ATRNL1: variants seen among roughly 807,000 people sequenced by gnomAD.
ATRNL1 encodes the protein attractin-like protein 1.
ATRNL1 carries 95 observed loss-of-function variants against 182.7 expected under a neutral mutation model. That is an observed-to-expected ratio of 0.52 (90% confidence interval 0.44 to 0.62). The LOEUF (loss-of-function observed/expected upper bound fraction) is 0.62, where lower values mean the gene tolerates loss of function less well. Among genes scored for constraint, ATRNL1 ranks in the 20% least tolerant of loss-of-function variants. ATRNL1 has a pLI of 0.00. For synonymous variants in ATRNL1, 576 were observed against 568.3 expected (o/e 1.01, Z -0.19); for missense variants, 1,471 against 1,679.5 (o/e 0.88, Z 2.17).
At chr10:115,452,668 C>A in intron 21 of ATRNL1, among the ~76,000 whole-genome samples, 1 of 152,066 alleles carries the variant, frequency 6.6e-6, no homozygotes, top group East Asian at 1.9e-4. Context: ...CCATCCAACA[C>A]CTTAAGTTAT....
intron 19 of ATRNL1, among the ~76,000 whole-genome samples, chr10:115,373,822 T>C (rs1245260721): frequency 6.6e-6 from 1 of 151,928 alleles, no homozygotes; most frequent in African/African-American, 2.4e-5. Flanking sequence ...TATTGACTGG[T>C]AATTTCTTTT....
intron 19 of ATRNL1, among the ~76,000 whole-genome samples, chr10:115,374,532 TTCTTTC>T (rs1554949022): frequency 1.3e-5 from 2 of 150,608 alleles, no homozygotes; most frequent in African/African-American, 4.9e-5. Context: ...CTTTTTTTCT[TTCTTTC>T]TCTTTCTTCT....
Position 115,472,583 on chromosome 10 carries a change from G to A in ATRNL1, c.3654+3254G>A, listed in dbSNP as rs561160764. ...TTTCCTTGGTTAAACTTATTCTTAA[G>A]TATTTTATTCTTTTTGATGCTCCAG... On this transcript the variant is annotated intron_variant, in intron 24 of 28. Transcript: ENST00000355044. Among the ~76,000 whole-genome samples, 106 of 150,950 alleles carry A rather than the reference G, an allele frequency of 7.0e-4. 1 individual carries two copies. Among genetic ancestry groups the A allele is most frequent in the African/African-American group, 2.4e-3 (101 of 41,380 alleles).
intron 20 of ATRNL1, among the ~76,000 whole-genome samples, chr10:115,422,927 A>G (rs529117442): frequency 6.6e-6 from 1 of 152,336 alleles, no homozygotes; most frequent in South Asian, 2.1e-4. Flanking sequence ...TATTATGCTT[A>G]TTACCTGGGT....
chr10:115,517,276 T>A (rs1850687351), intron 24 of ATRNL1, among the ~76,000 whole-genome samples: 1 of 151,946 alleles, frequency 6.6e-6, no homozygotes, highest in South Asian at 2.1e-4. Flanking sequence ...GTTTTCTTTG[T>A]CTCAGTGTTT....
intron 15 of ATRNL1, among the ~76,000 whole-genome samples, chr10:115,289,395 C>A (rs1554920150): frequency 6.6e-6 from 1 of 152,026 alleles, no homozygotes; most frequent in Non-Finnish European, 1.5e-5. Flanking sequence ...TATTTAATAC[C>A]ATTTGTTTAT....
intron 24 of ATRNL1, among the ~76,000 whole-genome samples, chr10:115,505,975 A>C (rs1850092402): frequency 1.3e-5 from 2 of 152,016 alleles, no homozygotes; most frequent in African/African-American, 2.4e-5. Context: ...AAAAGAAGGC[A>C]GAACCTTAGC....
chr10:115,485,634 C>G (rs527394880), intron 24 of ATRNL1, among the ~76,000 whole-genome samples: 2 of 152,040 alleles, frequency 1.3e-5, no homozygotes, highest in African/African-American at 4.8e-5. Context: ...CCTCCAAACC[C>G]CCTCCTCAAT....
chr10:115,452,497 A>G (rs187884073), intron 21 of ATRNL1, among the ~76,000 whole-genome samples: 17 of 152,120 alleles, frequency 1.1e-4, no homozygotes, highest in African/African-American at 3.6e-4. Context: ...TTCCTGTGCC[A>G]TTTATTGCAG....
intron 19 of ATRNL1, among the ~76,000 whole-genome samples, chr10:115,369,961 G>A (rs528479658): frequency 6.6e-6 from 1 of 152,326 alleles, no homozygotes; most frequent in South Asian, 2.1e-4. Flanking sequence ...TAATTGCCAG[G>A]TGTTGTGGGA....
chr10:115,382,959 T>TG (rs1362306975), intron 19 of ATRNL1, among the ~76,000 whole-genome samples: 2 of 152,028 alleles, frequency 1.3e-5, no homozygotes, highest in East Asian at 1.9e-4. Context: ...TTCATTCCAT[T>TG]GATATGCATT....
At chr10:115,121,513 G>A (rs1844733317) in intron 2 of ATRNL1, among the ~76,000 whole-genome samples, 186 bp from the exon 3 acceptor site, 1 of 151,988 alleles carries the variant, frequency 6.6e-6, no homozygotes. Context: ...TAGATATGAT[G>A]GCTTATCAAT....
intron 10 of ATRNL1, among the ~76,000 whole-genome samples, chr10:115,244,305 A>C (rs1286133819): frequency 1.3e-5 from 2 of 152,152 alleles, no homozygotes; most frequent in Non-Finnish European, 2.9e-5. Flanking sequence ...AATTTTATAC[A>C]GTCAATATCG....
chr10:115,284,198 G>GA (rs1311507279), intron 14 of ATRNL1, among the ~76,000 whole-genome samples: 5 of 152,096 alleles, frequency 3.3e-5, no homozygotes, highest in African/African-American at 4.8e-5. Context: ...ACAAAAGCCT[G>GA]AAGTATAAAA....
At chr10:115,579,213 C>G (rs782635719) in intron 26 of ATRNL1, among the ~76,000 whole-genome samples, 1 of 151,700 alleles carries the variant, frequency 6.6e-6, no homozygotes, top group Non-Finnish European at 1.5e-5. Flanking sequence ...TTGATTAGGT[C>G]TAAGGTACAG....
At chr10:115,817,767 GTTT>G (rs35789775) in intron 27 of ATRNL1, among the ~76,000 whole-genome samples, 2 of 145,766 alleles carry the variant, frequency 1.4e-5, no homozygotes, top group Non-Finnish European at 3.0e-5. Flanking sequence ...TAAAAAAGTA[GTTT>G]TTTTTTTTTG....
intron 18 of ATRNL1, among the ~76,000 whole-genome samples, chr10:115,324,402 TA>T (rs1554932531): frequency 6.6e-6 from 1 of 152,206 alleles, no homozygotes; most frequent in African/African-American, 2.4e-5. Context: ...GTCCTTTATG[TA>T]AAAAAAGTTT....
Position 115,241,646 on chromosome 10 carries a change from T to G in ATRNL1, c.1608T>G (p.Phe536Leu), listed in dbSNP as rs1554902874. The stretch of plus-strand genomic sequence containing the variant: ...TTATCAATGGAGCTATGCTTATTTT[T>G]GGAGGAAATACCCATAATGACACTT... Reference protein sequence around the residue: ...AVLINGAMLIFGGNTHNDTSL... With the variant: ...AVLINGAMLILGGNTHNDTSL... The change falls in exon 10 of 29, where the codon TTT becomes TTG. Residue 536 changes from phenylalanine (F) to leucine (L), a missense_variant. By Grantham distance (22) the Phe-to-Leu change is conservative. Transcript: ENST00000355044. The G allele has an allele frequency of 4.3e-6, 7 of 1,611,918 alleles. No homozygotes were observed. Among genetic ancestry groups the G allele is most frequent in the Non-Finnish European group, 5.9e-6 (7 of 1,178,492 alleles).
intron 27 of ATRNL1, among the ~76,000 whole-genome samples, chr10:115,757,957 T>G (rs1948633822): frequency 6.6e-6 from 1 of 151,796 alleles, no homozygotes; most frequent in South Asian, 2.1e-4. Context: ...ATTCGGTTAT[T>G]GATACTTGTG....
Sources: allele counts gnomAD v4.1 joint callset (sites outside exome capture counted in the v4.1 genomes callset), GRCh38; gene constraint gnomAD v4.1.1; transcripts MANE v1.5; gene names NCBI Gene and HGNC (gene_info 2026-07-23, HGNC 2026-07-21).